TTC28: variants seen among roughly 807,000 people sequenced by gnomAD.
TTC28 encodes the protein tetratricopeptide repeat protein 28.
Under a neutral mutation model 198.0 loss-of-function variants are expected in TTC28, and 61 were observed. The ratio of observed to expected loss-of-function variants is 0.31; its 90% CI spans 0.25 to 0.38. The LOEUF is 0.38. Ranked by LOEUF, TTC28 falls within the 10% of genes least tolerant of loss-of-function variation. The probability of loss-of-function intolerance (pLI) is 1.00; values close to 1 mark genes in which losing one functional copy is unlikely to be tolerated. For synonymous variants in TTC28, 1,171 were observed against 1,297.8 expected, an observed-to-expected ratio of 0.90 and a Z score of 2.10; for missense variants, 2,678 against 3,164.0, an observed-to-expected ratio of 0.85 and a Z score of 3.69.
At chr22:28,474,154 C>G (rs1011662335) in intron 2 of TTC28, among the ~76,000 whole-genome samples, 3 of 151,888 alleles carry the variant, frequency 2.0e-5, no homozygotes, top group Non-Finnish European at 2.9e-5. Flanking sequence ...TATAAACTCA[C>G]AAGGAAAAAA....
At chr22:28,473,895 G>A (rs1204769382) in intron 2 of TTC28, among the ~76,000 whole-genome samples, 2 of 152,164 alleles carry the variant, frequency 1.3e-5, no homozygotes, top group African/African-American at 4.8e-5. Flanking sequence ...AAAGAGAGAA[G>A]CCTCAAAAGA....
At position 27,983,117 on chromosome 22, in the gene TTC28, C is replaced by T. The variant is rs776681243; in HGVS notation, c.6550G>A (p.Gly2184Ser). ...LIAVERLQRS[G>S]GQVSKSNNPE... ...TTATTACTCTTGCTCACCTGGCCGC[C>T]GCTCCTCTGAAGACGCTCCACCGCA... Residue 2184 changes from glycine (G) to serine (S), a missense_variant, in exon 23 of 23, where the codon GGC becomes AGC. By Grantham distance (56) the Gly-to-Ser change is moderately conservative. Transcript: ENST00000397906. The T allele has an allele frequency of 1.6e-5, 25 of 1,551,620 alleles. No homozygotes were observed. Among genetic ancestry groups the T allele is most frequent in the Non-Finnish European group, 1.5e-5 (17 of 1,147,024 alleles).
At chr22:28,577,030 T>C (rs2050162289) in intron 2 of TTC28, among the ~76,000 whole-genome samples, 1 of 152,104 alleles carries the variant, frequency 6.6e-6, no homozygotes, top group Non-Finnish European at 1.5e-5. Flanking sequence ...GGTTTGCTCT[T>C]GCTTTTCTAG....
chr22:28,101,177 T>C lies in TTC28; in HGVS notation c.3411A>G (p.Gln1137=), dbSNP rs2016707012. The part of the protein sequence containing the change: ...LWASGNLEEA[Q]HQLYRASALF... Reference sequence around the variant, plus strand: ...AGTCAGGGGTTCTGCTTACCTGGTGTTGGGCCTCCTCCAAGTTTCCACTAG... The same window carrying C: ...AGTCAGGGGTTCTGCTTACCTGGTGCTGGGCCTCCTCCAAGTTTCCACTAG... Residue 1137 remains glutamine, a synonymous_variant, in exon 9 of 23, where the codon CAA becomes CAG. Coordinates refer to ENST00000397906, the MANE Select transcript of TTC28 (RefSeq NM_001145418.2). 1 of 1,550,366 alleles carries C rather than the reference T, an allele frequency of 6.5e-7. No homozygotes were observed. Among genetic ancestry groups the C allele is most frequent in the Non-Finnish European group, 8.7e-7 (1 of 1,146,426 alleles).
intron 2 of TTC28, among the ~76,000 whole-genome samples, chr22:28,571,189 A>G (rs2050054404): frequency 6.6e-6 from 1 of 152,192 alleles, no homozygotes; most frequent in Admixed American, 6.5e-5. Flanking sequence ...AACAGTTGCC[A>G]AATTAAGCAA....
At chr22:28,679,502 C>T in intron 1 of TTC28, 120 bp downstream of exon 1, 2 of 645,558 alleles carry the variant, frequency 3.1e-6, no homozygotes, top group South Asian at 2.4e-5. Context: ...TGGGATCGAA[C>T]CCGGACTGCG....
chr22:28,605,211 T>C (rs566241830), intron 2 of TTC28, among the ~76,000 whole-genome samples: 1 of 152,300 alleles, frequency 6.6e-6, no homozygotes, highest in East Asian at 1.9e-4. Context: ...TCCAAGGAGA[T>C]GCTATGGACT....
chr22:28,383,273 G>C (rs1320120702), intron 2 of TTC28, among the ~76,000 whole-genome samples: 1 of 152,094 alleles, frequency 6.6e-6, no homozygotes, highest in Non-Finnish European at 1.5e-5. Context: ...TACATCTATT[G>C]CTTTATACCT....
chr22:28,004,418 C>T (rs1937850478), intron 14 of TTC28, among the ~76,000 whole-genome samples: 1 of 152,138 alleles, frequency 6.6e-6, no homozygotes, highest in Non-Finnish European at 1.5e-5. Flanking sequence ...TGCTGGGACT[C>T]AGTGAGAGTG....
intron 2 of TTC28, among the ~76,000 whole-genome samples, chr22:28,356,540 A>T (rs994710097): frequency 6.6e-6 from 1 of 152,224 alleles, no homozygotes; most frequent in Non-Finnish European, 1.5e-5. Flanking sequence ...TATACTTTTT[A>T]AAAAATATTT....
intron 16 of TTC28, among the ~76,000 whole-genome samples, chr22:27,997,238 A>G (rs543491778): frequency 6.6e-6 from 1 of 152,310 alleles, no homozygotes; most frequent in East Asian, 1.9e-4. Context: ...GAACCAAGGG[A>G]CGGCCGTGAG....
intron 3 of TTC28, 60 bp from the exon 4 acceptor site, chr22:28,297,912 A>G (rs1377396703): frequency 1.3e-6 from 2 of 1,485,818 alleles, no homozygotes; most frequent in Non-Finnish European, 1.8e-6. Context: ...TACAAAAACA[A>G]TCTTTTCTAA....
intron 5 of TTC28, among the ~76,000 whole-genome samples, chr22:28,213,894 A>G (rs1202243398): frequency 6.6e-6 from 1 of 152,242 alleles, no homozygotes; most frequent in Non-Finnish European, 1.5e-5. Flanking sequence ...ACAAGGCTAC[A>G]GTAATCAAAA....
At chr22:28,613,517 T>C (rs1456113139) in intron 2 of TTC28, among the ~76,000 whole-genome samples, 2 of 152,150 alleles carry the variant, frequency 1.3e-5, no homozygotes, top group Non-Finnish European at 1.5e-5. Flanking sequence ...TTTAGACCAA[T>C]ATCCCTGATG....
intron 5 of TTC28, among the ~76,000 whole-genome samples, chr22:28,215,187 C>T (rs1366785207): frequency 5.9e-5 from 9 of 152,074 alleles, no homozygotes; most frequent in African/African-American, 1.2e-4. Flanking sequence ...ATGTAAATGA[C>T]GAGTTAATGG....
chr22:28,016,523 G>A (rs1394441546), intron 13 of TTC28, among the ~76,000 whole-genome samples: 1 of 152,178 alleles, frequency 6.6e-6, no homozygotes, highest in Non-Finnish European at 1.5e-5. Flanking sequence ...TGTACCTCAA[G>A]TTTCACAATC....
At chr22:28,347,426 A>G (rs559962127) in intron 2 of TTC28, among the ~76,000 whole-genome samples, 1 of 152,210 alleles carries the variant, frequency 6.6e-6, no homozygotes, top group African/African-American at 2.4e-5. Flanking sequence ...TTGTTGATAG[A>G]TTTTCATCAC....
Position 28,078,314 on chromosome 22 carries a change from A to G in TTC28, c.3932+15766T>C, listed in dbSNP as rs538479908. ...ATAGAGACTCAGTTTCTAGGGGCAC[A>G]GTGCATTTTACAAACACTAGCCCAG... On this transcript the variant is annotated intron_variant, in intron 12 of 22. Transcript: ENST00000397906. Among the ~76,000 whole-genome samples, 10 of 152,268 alleles carry G rather than the reference A, an allele frequency of 6.6e-5. No homozygotes were observed. In the South Asian group the frequency reaches 1.2e-3, roughly 19 times the overall value.
At chr22:28,560,779 A>T (rs1443925536) in intron 2 of TTC28, among the ~76,000 whole-genome samples, 1 of 151,930 alleles carries the variant, frequency 6.6e-6, no homozygotes, top group East Asian at 1.9e-4. Context: ...TTTGTTTGAG[A>T]CAGAGTCTCC....
Sources: gnomAD v4.1 joint callset for allele counts (sites outside exome capture counted in the v4.1 genomes callset) on GRCh38, gnomAD v4.1.1 for gene constraint, MANE v1.5 for transcripts, NCBI Gene and HGNC (gene_info 2026-07-23, HGNC 2026-07-21) for gene names.